The following BLTP1 variants were observed in gnomAD, a reference collection of about 807,000 sequenced individuals.
The protein encoded by BLTP1 is bridge-like lipid transfer protein family member 1.
At chr4:122,229,269 C>A in the BLTP1 span, 1 of 1,546,120 alleles carries the variant, frequency 6.5e-7, no homozygotes, top group Non-Finnish European at 8.7e-7. Context: ...TGGTGTAGTG[C>A]TTTTTCGTTT....
At chr4:122,334,529 C>T in the BLTP1 span, 4 of 1,612,546 alleles carry the variant, frequency 2.5e-6, no homozygotes, top group East Asian at 2.2e-5. Context: ...CTCCCCAGCC[C>T]CCACCTATTC....
the BLTP1 span, among the ~76,000 whole-genome samples, chr4:122,327,099 G>GTGTTT: frequency 0.64 from 95,134 of 147,998 alleles, 30,921 homozygotes; most frequent in Middle Eastern, 0.79. Context: ...TCATAGGGGG[G>GTGTTT]TGTTTTGTTT....
chr4:122,320,102 T>C, the BLTP1 span, among the ~76,000 whole-genome samples: 42 of 152,288 alleles, frequency 2.8e-4, 1 homozygote, highest in Admixed American at 2.5e-3. Context: ...GATTCATCTG[T>C]TTCTCCTTGC....
At chr4:122,358,894 A>G in the BLTP1 span, among the ~76,000 whole-genome samples, 27 of 152,282 alleles carry the variant, frequency 1.8e-4, no homozygotes, top group Middle Eastern at 3.4e-3. Flanking sequence ...CACTTTATAT[A>G]TAATTATTAT....
At chr4:122,329,644 C>T in the BLTP1 span, among the ~76,000 whole-genome samples, 2 of 151,206 alleles carry the variant, frequency 1.3e-5, no homozygotes, top group Non-Finnish European at 3.0e-5. Flanking sequence ...TTCGTAAAAA[C>T]TATTTTGTCA....
the BLTP1 span, among the ~76,000 whole-genome samples, chr4:122,321,105 A>G: frequency 2.4e-4 from 37 of 151,498 alleles, no homozygotes; most frequent in African/African-American, 8.2e-4. Context: ...ATGACTTATG[A>G]TATCTTCAAC....
chr4:122,257,241 G>A, the BLTP1 span: 68 of 1,611,928 alleles, frequency 4.2e-5, no homozygotes, highest in Non-Finnish European at 5.2e-5. Context: ...CTAACCACAT[G>A]ATTATTGTTA....
At chr4:122,244,157 A>G in the BLTP1 span, 5 of 996,592 alleles carry the variant, frequency 5.0e-6, no homozygotes, top group Non-Finnish European at 6.8e-6. Context: ...ATGTTCATAT[A>G]GAAGATTATT....
At chr4:122,237,563 T>C in the BLTP1 span, 2 of 501,018 alleles carry the variant, frequency 4.0e-6, no homozygotes, top group African/African-American at 4.2e-5. Flanking sequence ...TTTGTACTAT[T>C]CTTGAAAGTT....
the BLTP1 span, chr4:122,154,903 T>C: frequency 2.2e-6 from 2 of 918,704 alleles, no homozygotes; most frequent in Non-Finnish European, 2.6e-6. Context: ...TGAAGAAAAG[T>C]AGTTGACTTT....
At chr4:122,197,172 GAATT>G in the BLTP1 span, 4 of 931,792 alleles carry the variant, frequency 4.3e-6, no homozygotes, top group East Asian at 2.7e-5. Flanking sequence ...TGTTTTATAT[GAATT>G]AATTTTTTTC....
At chr4:122,210,306 G>A in the BLTP1 span, among the ~76,000 whole-genome samples, 1 of 152,112 alleles carries the variant, frequency 6.6e-6, no homozygotes, top group Admixed American at 6.6e-5. Context: ...GCATATTTAA[G>A]GTGCATGATT....
At chr4:122,287,782 G>GA in the BLTP1 span, 1 of 794,242 alleles carries the variant, frequency 1.3e-6, no homozygotes, top group Non-Finnish European at 1.5e-6. Flanking sequence ...ACAAGTGTAC[G>GA]AAAAAATAGT....
chr4:122,357,643 T>TAAAAG, the BLTP1 span, among the ~76,000 whole-genome samples: 1 of 152,118 alleles, frequency 6.6e-6, no homozygotes, highest in Non-Finnish European at 1.5e-5. Flanking sequence ...TCTAACTGTT[T>TAAAAG]AAAAGAATGA....
the BLTP1 span, chr4:122,267,549 C>T: frequency 1.7e-6 from 1 of 602,700 alleles, no homozygotes; most frequent in South Asian, 7.4e-5. Context: ...CATTTATTTA[C>T]TTGGCTCTTG....
the BLTP1 span, chr4:122,247,437 C>T: frequency 1.3e-6 from 2 of 1,488,146 alleles, no homozygotes; most frequent in African/African-American, 2.8e-5. Flanking sequence ...ATGTTTTTTT[C>T]CTTTGACTAT....
At chr4:122,208,606 C>G in the BLTP1 span, 1 of 978,496 alleles carries the variant, frequency 1.0e-6, no homozygotes, top group African/African-American at 1.8e-5. Flanking sequence ...AAAAAAATAT[C>G]TGTGGATACC....
At chr4:122,271,676 G>A in the BLTP1 span, 3 of 1,595,972 alleles carry the variant, frequency 1.9e-6, no homozygotes, top group African/African-American at 1.3e-5. Context: ...ACTTATCTCC[G>A]ATCCAACAGG....
the BLTP1 span, chr4:122,211,874 T>A: frequency 6.5e-6 from 1 of 153,392 alleles, no homozygotes. Flanking sequence ...CAACAATTCT[T>A]ACTGATTTAA....
Sources: allele counts gnomAD v4.1 joint callset (sites outside exome capture counted in the v4.1 genomes callset), GRCh38; gene constraint gnomAD v4.1.1; transcripts MANE v1.5; gene names NCBI Gene and HGNC (gene_info 2026-07-23, HGNC 2026-07-21).